Variants in ARHGAP24 observed in about 807,000 individuals in gnomAD.
The protein encoded by ARHGAP24 is rho GTPase-activating protein 24.
A neutral mutation model predicts 76.4 loss-of-function variants in ARHGAP24; 50 were observed. The observed-to-expected ratio is 0.65, with a 90% CI of 0.52 to 0.83. ARHGAP24 has a LOEUF of 0.83. Ranked by LOEUF, ARHGAP24 falls within the 40% of genes least tolerant of loss-of-function variation. The pLI, the probability that ARHGAP24 is intolerant of heterozygous loss-of-function variation, is 0.00. For synonymous variants in ARHGAP24, 345 were observed against 323.3 expected, an observed-to-expected ratio of 1.07 and a Z score of -0.72; for missense variants, 930 against 914.2, an observed-to-expected ratio of 1.02 and a Z score of -0.22.
intron 3 of ARHGAP24, among the ~76,000 whole-genome samples, chr4:85,787,573 A>T (rs766280040): frequency 2.2e-4 from 33 of 152,240 alleles, no homozygotes; most frequent in Non-Finnish European, 4.0e-4. Context: ...GTTTCAAAAA[A>T]ATCTAACTCC....
chr4:85,913,807 T>C (rs1735217726), intron 3 of ARHGAP24, among the ~76,000 whole-genome samples: 1 of 152,194 alleles, frequency 6.6e-6, no homozygotes, highest in Admixed American at 6.5e-5. Flanking sequence ...TCTGATATTA[T>C]GAGTCTTGCA....
intron 1 of ARHGAP24, among the ~76,000 whole-genome samples, chr4:85,539,277 C>T (rs1725588689): frequency 6.6e-6 from 1 of 152,092 alleles, no homozygotes; most frequent in African/African-American, 2.4e-5. Flanking sequence ...CCTTCCAAGT[C>T]TTTACTAGAG....
intron 3 of ARHGAP24, among the ~76,000 whole-genome samples, chr4:85,755,298 G>T (rs534709302): frequency 6.6e-6 from 1 of 152,172 alleles, no homozygotes; most frequent in South Asian, 2.1e-4. Flanking sequence ...GTAGGTGAAG[G>T]TCTATTGTAG....
chr4:85,728,234 A>C (rs76047274), intron 3 of ARHGAP24, among the ~76,000 whole-genome samples: 9 of 59,818 alleles, frequency 1.5e-4, no homozygotes, highest in African/African-American at 8.4e-4. Flanking sequence ...CCTTTTGCCA[A>C]AAAAAAAAAA....
intron 3 of ARHGAP24, among the ~76,000 whole-genome samples, chr4:85,749,773 G>A (rs1726187919): frequency 1.3e-5 from 2 of 152,194 alleles, no homozygotes; most frequent in African/African-American, 2.4e-5. Context: ...CCCCATGTTG[G>A]TCAGGCTGGT....
intron 3 of ARHGAP24, among the ~76,000 whole-genome samples, chr4:85,737,833 C>G (rs1195294237): frequency 6.6e-6 from 1 of 152,166 alleles, no homozygotes; most frequent in African/African-American, 2.4e-5. Context: ...CTGGCTCATA[C>G]TTAGCAACAT....
chr4:85,557,825 T>C lies in ARHGAP24; in HGVS notation c.-20-12697T>C, dbSNP rs528058507. Among the ~76,000 whole-genome samples the C allele has an allele frequency of 2.0e-5, 3 of 152,326 alleles. No individual in the cohort carries two copies. In the South Asian group the frequency reaches 6.2e-4, roughly 32 times the overall value. On this transcript the variant is annotated intron_variant, in intron 1 of 9. Coordinates refer to ENST00000395184, the MANE Select transcript of ARHGAP24 (RefSeq NM_001025616.3). ...TCCTCTGGTCACAGAAGACTACATA[T>C]TCTTAGTGATGTCTTTTGATGAGCA...
chr4:85,877,178 C>T (rs1270868475), intron 3 of ARHGAP24, among the ~76,000 whole-genome samples: 1 of 152,060 alleles, frequency 6.6e-6, no homozygotes, highest in African/African-American at 2.4e-5. Flanking sequence ...CTTTTGTATT[C>T]TGTTAGCCTG....
intron 5 of ARHGAP24, among the ~76,000 whole-genome samples, chr4:85,945,450 C>G (rs1737196628): frequency 6.6e-6 from 1 of 150,970 alleles, no homozygotes; most frequent in African/African-American, 2.4e-5. Context: ...AATAAAATAA[C>G]ATTGTGCTTC....
intron 2 of ARHGAP24, among the ~76,000 whole-genome samples, chr4:85,578,095 T>C (rs1409103920): frequency 6.6e-6 from 1 of 152,222 alleles, no homozygotes; most frequent in Non-Finnish European, 1.5e-5. Flanking sequence ...AAAACAGAAC[T>C]CATTCTATGT....
chr4:85,584,585 G>A (rs1170834578), intron 2 of ARHGAP24, among the ~76,000 whole-genome samples: 1 of 151,746 alleles, frequency 6.6e-6, no homozygotes, highest in African/African-American at 2.4e-5. Flanking sequence ...AAAACTTAAA[G>A]TATAATAATA....
intron 5 of ARHGAP24, among the ~76,000 whole-genome samples, chr4:85,959,670 C>G (rs1447029051): frequency 6.6e-6 from 1 of 152,120 alleles, no homozygotes; most frequent in Non-Finnish European, 1.5e-5. Flanking sequence ...GATTCGTGTA[C>G]AAGCTTTTGT....
intron 3 of ARHGAP24, among the ~76,000 whole-genome samples, chr4:85,745,655 T>G (rs1213045071): frequency 6.6e-6 from 1 of 151,394 alleles, no homozygotes; most frequent in East Asian, 1.9e-4. Flanking sequence ...ACTTGCATAC[T>G]ACACAGTATG....
chr4:85,861,084 T>A (rs1731872944), intron 3 of ARHGAP24, among the ~76,000 whole-genome samples: 1 of 151,890 alleles, frequency 6.6e-6, no homozygotes, highest in Non-Finnish European at 1.5e-5. Context: ...CTTTTATACA[T>A]GGTAAAACCA....
intron 1 of ARHGAP24, among the ~76,000 whole-genome samples, chr4:85,508,605 T>C (rs938341867): frequency 3.9e-5 from 6 of 152,322 alleles, no homozygotes; most frequent in Non-Finnish European, 7.4e-5. Context: ...TCTTGTGTAA[T>C]ATTTTTCCCT....
At chr4:85,971,932 T>C (rs1739007638) in intron 5 of ARHGAP24, 104 bp from the exon 6 acceptor site, 3 of 1,552,824 alleles carry the variant, frequency 1.9e-6, no homozygotes, top group African/African-American at 2.7e-5. Context: ...ATTCATTCAA[T>C]TGCCAACTTG....
At chr4:85,702,358 T>C (rs2110027245) in intron 2 of ARHGAP24, among the ~76,000 whole-genome samples, 1 of 152,332 alleles carries the variant, frequency 6.6e-6, no homozygotes, top group Non-Finnish European at 1.5e-5. Context: ...CAGATGCAAC[T>C]TTCTTAAAAT....
chr4:85,698,119 T>C (rs1723938068), intron 2 of ARHGAP24, among the ~76,000 whole-genome samples: 1 of 152,176 alleles, frequency 6.6e-6, no homozygotes, highest in African/African-American at 2.4e-5. Context: ...CCACTAAAAC[T>C]TTGTTAAGGC....
chr4:85,696,673 G>T (rs978418506), intron 2 of ARHGAP24, among the ~76,000 whole-genome samples: 3 of 152,140 alleles, frequency 2.0e-5, no homozygotes, highest in African/African-American at 7.2e-5. Flanking sequence ...TGCTGAAGTT[G>T]TCTCACAGAC....
Sources: allele counts gnomAD v4.1 joint callset (sites outside exome capture counted in the v4.1 genomes callset), GRCh38; gene constraint gnomAD v4.1.1; transcripts MANE v1.5; gene names NCBI Gene and HGNC (gene_info 2026-07-23, HGNC 2026-07-21).